Variants in EPB41L4B observed in about 807,000 individuals in gnomAD.
EPB41L4B encodes band 4.1-like protein 4B.
Under a neutral mutation model 112.5 loss-of-function variants are expected in EPB41L4B, and 30 were observed. That is an observed-to-expected ratio of 0.27 (90% CI 0.20 to 0.36). EPB41L4B has a LOEUF of 0.36. Among genes scored for constraint, EPB41L4B ranks in the 10% least tolerant of loss-of-function variants. The pLI is 1.00. For missense variants in EPB41L4B, 1,024 were observed against 1,133.3 expected (o/e 0.90, Z 1.38); for synonymous variants, 408 against 439.7 (o/e 0.93, Z 0.90).
intron 1 of EPB41L4B, among the ~76,000 whole-genome samples, chr9:109,317,799 G>A (rs879533558): frequency 8.5e-5 from 13 of 152,202 alleles, no homozygotes; most frequent in Non-Finnish European, 1.3e-4. Context: ...CCAGGAAGCG[G>A]TAAAAATCCA....
At chr9:109,212,910 A>T (rs923859986) in intron 17 of EPB41L4B, among the ~76,000 whole-genome samples, 8 of 152,250 alleles carry the variant, frequency 5.3e-5, no homozygotes, top group Admixed American at 1.3e-4. Flanking sequence ...ACTGCAAAAA[A>T]GAGTCATCAG....
chr9:109,220,798 T>C (rs10979759), intron 15 of EPB41L4B, among the ~76,000 whole-genome samples: 1 of 131,224 alleles, frequency 7.6e-6, no homozygotes, highest in Non-Finnish European at 1.7e-5. Context: ...TGTGCGTGTG[T>C]GTGTGTAAGA....
intron 2 of EPB41L4B, among the ~76,000 whole-genome samples, chr9:109,272,070 C>A (rs1248011166): frequency 2.0e-5 from 3 of 152,170 alleles, no homozygotes; most frequent in Admixed American, 2.0e-4. Flanking sequence ...TCTAACAACT[C>A]TCTGCTGGAA....
chr9:109,319,413 C>T (rs1837756654), intron 1 of EPB41L4B, among the ~76,000 whole-genome samples: 1 of 152,170 alleles, frequency 6.6e-6, no homozygotes, highest in Non-Finnish European at 1.5e-5. Context: ...CCGGGCACCC[C>T]GGGGTCGACT....
chr9:109,254,007 C>A (rs1834889682), intron 11 of EPB41L4B, among the ~76,000 whole-genome samples: 1 of 152,198 alleles, frequency 6.6e-6, no homozygotes, highest in South Asian at 2.1e-4. Flanking sequence ...GGGTTTCAAC[C>A]AACGTGACAC....
chr9:109,231,573 T>C (rs147036128), intron 15 of EPB41L4B, among the ~76,000 whole-genome samples: 1 of 152,338 alleles, frequency 6.6e-6, no homozygotes, highest in African/African-American at 2.4e-5. Context: ...CAGATTAACA[T>C]CCCACATCCT....
chr9:109,308,740 T>C (rs1482930332), intron 1 of EPB41L4B, among the ~76,000 whole-genome samples: 1 of 152,162 alleles, frequency 6.6e-6, no homozygotes, highest in Non-Finnish European at 1.5e-5. Flanking sequence ...TTTTTAAAAC[T>C]GGTCCTTATC....
intron 15 of EPB41L4B, among the ~76,000 whole-genome samples, chr9:109,232,948 T>C (rs1304517572): frequency 3.3e-5 from 5 of 152,230 alleles, no homozygotes; most frequent in African/African-American, 9.7e-5. Context: ...AAGGGCTTAA[T>C]GGTTTAATTG....
intron 1 of EPB41L4B, among the ~76,000 whole-genome samples, chr9:109,294,141 C>T (rs551275405): frequency 1.3e-5 from 2 of 151,500 alleles, no homozygotes; most frequent in Non-Finnish European, 2.9e-5. Flanking sequence ...CCCATTTCTA[C>T]GAAAATACAA....
At chr9:109,280,586 A>T (rs1417104727) in intron 1 of EPB41L4B, among the ~76,000 whole-genome samples, 1 of 152,200 alleles carries the variant, frequency 6.6e-6, no homozygotes, top group East Asian at 1.9e-4. Flanking sequence ...CTGCCCCTGT[A>T]AAACGGGCCT....
chr9:109,202,027 A>G (rs938323758), intron 19 of EPB41L4B, among the ~76,000 whole-genome samples: 1 of 152,112 alleles, frequency 6.6e-6, no homozygotes, highest in African/African-American at 2.4e-5. Context: ...AGACAAGAGG[A>G]AAAGAGGATG....
At chr9:109,304,371 T>C (rs1837089026) in intron 1 of EPB41L4B, among the ~76,000 whole-genome samples, 2 of 152,190 alleles carry the variant, frequency 1.3e-5, no homozygotes, top group South Asian at 2.1e-4. Flanking sequence ...ACAGCAATAC[T>C]GATTCACTCC....
rs141710557 is a variant in EPB41L4B, at chr9:109,250,666, C to T, written c.1310+815G>A. 3.4e-3 allele frequency among the ~76,000 whole-genome samples: 518 copies of T among 152,232 alleles called. 6 individuals carry two copies. The highest frequency in any genetic ancestry group is 0.011 in the African/African-American group (476 of 41,520). On this transcript the variant is annotated intron_variant, in intron 13 of 25. Coordinates refer to ENST00000374566, the MANE Select transcript of EPB41L4B (RefSeq NM_019114.5). ...GCTTTAAAAACAAGCTATATGGGTC[C>T]CACCCTGAGAGACTGATTCAATGCG... is the stretch of plus-strand genomic sequence containing the variant.
chr9:109,310,197 C>T (rs972117902), intron 1 of EPB41L4B, among the ~76,000 whole-genome samples: 4 of 152,100 alleles, frequency 2.6e-5, no homozygotes, highest in African/African-American at 9.7e-5. Context: ...ATCTCACTGA[C>T]ACAAATTCTC....
intron 1 of EPB41L4B, among the ~76,000 whole-genome samples, chr9:109,299,489 G>A (rs1173292635): frequency 1.3e-5 from 2 of 151,756 alleles, no homozygotes; most frequent in African/African-American, 4.8e-5. Context: ...TTGCTATGTT[G>A]CCTAGGCTGG....
chr9:109,201,114 T>C (rs1215916612), intron 19 of EPB41L4B, among the ~76,000 whole-genome samples: 4 of 152,174 alleles, frequency 2.6e-5, no homozygotes, highest in Non-Finnish European at 5.9e-5. Flanking sequence ...CACTTTTGGG[T>C]CAGTGCTCAA....
intron 22 of EPB41L4B, among the ~76,000 whole-genome samples, 174 bp from the exon 23 acceptor site, chr9:109,185,779 A>G (rs1832239401): frequency 6.7e-6 from 1 of 149,954 alleles, no homozygotes; most frequent in Non-Finnish European, 1.5e-5. Flanking sequence ...GCTCTGGCCA[A>G]CTGGCTTCTG....
intron 15 of EPB41L4B, among the ~76,000 whole-genome samples, chr9:109,226,070 A>G (rs1833749288): frequency 6.6e-6 from 1 of 152,144 alleles, no homozygotes; most frequent in African/African-American, 2.4e-5. Context: ...TTGCCCCATG[A>G]ACTTGTGATG....
At chr9:109,197,559 G>A (rs1470676704) in intron 20 of EPB41L4B, among the ~76,000 whole-genome samples, 1 of 152,178 alleles carries the variant, frequency 6.6e-6, no homozygotes, top group East Asian at 1.9e-4. Flanking sequence ...TACTAATGGG[G>A]AAAATGCTGC....
Sources: allele counts gnomAD v4.1 joint callset (sites outside exome capture counted in the v4.1 genomes callset), GRCh38; gene constraint gnomAD v4.1.1; transcripts MANE v1.5; gene names NCBI Gene and HGNC (gene_info 2026-07-23, HGNC 2026-07-21).